CCDC158: variants seen among roughly 807,000 people sequenced by gnomAD.
CCDC158 encodes coiled-coil domain containing 158, also known as coiled-coil domain-containing protein 158.
In CCDC158, 116 loss-of-function variants were observed where a neutral mutation model predicts 138.6. That is an observed-to-expected ratio of 0.84 (90% CI 0.72 to 0.98). The LOEUF (loss-of-function observed/expected upper bound fraction) is 0.98, where lower values mean the gene tolerates loss of function less well. Ranked by LOEUF, CCDC158 falls within the 50% of genes least tolerant of loss-of-function variation. CCDC158 has a pLI of 0.00. For missense variants in CCDC158, 1,265 were observed against 1,306.1 expected (o/e 0.97, Z 0.48); for synonymous variants, 436 against 442.4 (o/e 0.99, Z 0.18).
chr4:76,357,990 T>TTC (rs1723744945), intron 13 of CCDC158, among the ~76,000 whole-genome samples: 1 of 100,500 alleles, frequency 1.0e-5, no homozygotes, highest in African/African-American at 3.3e-5. Context: ...CACACATGTG[T>TTC]GCACACACAC....
rs202034960 is a variant in CCDC158, at chr4:76,313,241, A to T, written c.3283T>A (p.Ser1095Thr). The T allele has an allele frequency of 2.9e-5, 47 of 1,595,890 alleles. No individual in the cohort carries two copies. In the Admixed American group the frequency reaches 6.0e-4, roughly 20 times the overall value. The change falls in exon 25 of 25, where the codon TCT (serine) becomes ACT (threonine). Residue 1095 changes from serine (S) to threonine (T), a missense_variant. Transcript: ENST00000682701. ...EDLQLKNQAM[S>T]SMIRNQEKRI... ...TTTTCTTGATTTCTGATCATTGAAG[A>T]CATTGCTGAAAATGTTGATAAAACA...
At chr4:76,385,727 C>T (rs1726722510) in intron 4 of CCDC158, among the ~76,000 whole-genome samples, 1 of 152,010 alleles carries the variant, frequency 6.6e-6, no homozygotes, top group African/African-American at 2.4e-5. Context: ...CAACTGAATT[C>T]CTCCAAACTG....
chr4:76,404,993 T>C (rs1728702190), intron 2 of CCDC158, among the ~76,000 whole-genome samples: 1 of 152,166 alleles, frequency 6.6e-6, no homozygotes, highest in African/African-American at 2.4e-5. Context: ...TATTTAAAAC[T>C]ATAATCCAAG....
At chr4:76,396,166 G>C (rs1727759947) in intron 4 of CCDC158, 103 bp downstream of exon 4, 1 of 727,838 alleles carries the variant, frequency 1.4e-6, no homozygotes, top group Non-Finnish European at 2.1e-6. Flanking sequence ...CCATTTGTTA[G>C]TTTTTTCTTC....
At chr4:76,344,120 A>C (rs1218587468) in intron 18 of CCDC158, among the ~76,000 whole-genome samples, 1 of 152,198 alleles carries the variant, frequency 6.6e-6, no homozygotes, top group Admixed American at 6.5e-5. Context: ...GCCTCAGCCC[A>C]AAATCTCCTT....
At chr4:76,400,411 G>T in intron 3 of CCDC158, among the ~76,000 whole-genome samples, 1 of 135,488 alleles carries the variant, frequency 7.4e-6, no homozygotes, top group Non-Finnish European at 1.6e-5. Context: ...TTGTGGGGTG[G>T]GGGGAGGGGG....
intron 13 of CCDC158, among the ~76,000 whole-genome samples, chr4:76,360,613 T>G (rs975675234): frequency 2.0e-5 from 3 of 152,202 alleles, no homozygotes; most frequent in African/African-American, 4.8e-5. Flanking sequence ...GCTTAGAAAT[T>G]TAATGACTGC....
intron 3 of CCDC158, 67 bp downstream of exon 3, chr4:76,403,071 A>G (rs544812711): frequency 1.8e-6 from 2 of 1,081,822 alleles, no homozygotes; most frequent in African/African-American, 3.2e-5. Context: ...TACTAGAAAC[A>G]GCAGCTTGAA....
chr4:76,355,499 T>A, intron 14 of CCDC158, 63 bp from the exon 15 acceptor site: 1 of 1,067,540 alleles, frequency 9.4e-7, no homozygotes, highest in Non-Finnish European at 1.4e-6. Flanking sequence ...TATGGTAATT[T>A]GATGGTTAAA....
chr4:76,324,470 A>C (rs915345161), intron 23 of CCDC158, among the ~76,000 whole-genome samples: 1 of 152,146 alleles, frequency 6.6e-6, no homozygotes, highest in Admixed American at 6.5e-5. Flanking sequence ...TACAGACATG[A>C]GCCACAGCGC....
At position 76,333,470 on chromosome 4, in the gene CCDC158, G is replaced by A. The variant is rs78358466; in HGVS notation, c.2822+540C>T. ...TGTAGCTATGTGCAAAGAAGGGCTG[G>A]TGAACTGGCTAAATTCTTTTTGGAT... On this transcript the variant is annotated intron_variant, in intron 19 of 24. Transcript: ENST00000682701. 4.2e-3 allele frequency among the ~76,000 whole-genome samples: 635 copies of A among 152,288 alleles called. 16 individuals carry two copies. The highest frequency in any genetic ancestry group is 0.029 in the Admixed American group (440 of 15,282).
Position 76,313,095 on chromosome 4 carries a change from C to T in CCDC158, c.*75G>A, listed in dbSNP as rs1719040182. The T allele has an allele frequency of 1.2e-6, 1 of 850,488 alleles. No individual in the cohort carries two copies. Among genetic ancestry groups the T allele is most frequent in the Non-Finnish European group, 1.8e-6 (1 of 545,910 alleles). 52.7% of individuals were successfully genotyped at this position (850,488 alleles called of 1,614,324 possible). On this transcript the variant is annotated 3_prime_UTR_variant, in exon 25 of 25. Coordinates refer to ENST00000682701, the MANE Select transcript of CCDC158 (RefSeq NM_001394954.1). The stretch of plus-strand genomic sequence containing the variant: ...AATTTTCACATAAAAAGAAAAAGTA[C>T]ACAGGGCACTAATTACGAGTAACAC...
rs925900929 is a variant in CCDC158 at position 76,325,889 on chromosome 4, G to A, written c.3137C>T (p.Ala1046Val). 7 of 1,611,682 alleles carry A rather than the reference G, an allele frequency of 4.3e-6. No homozygotes were observed. In the South Asian group the frequency reaches 7.7e-5, roughly 18 times the overall value. The change falls in exon 23 of 25, where the codon GCC becomes GTC. Residue 1046 changes from alanine to valine, a missense_variant. Transcript: ENST00000682701. Reference sequence around the variant, plus strand: ...AGAATCAGATGAATGAATAGGTTTGGCAGATCTATACTGTGATGTGGAACC... The same window carrying A: ...AGAATCAGATGAATGAATAGGTTTGACAGATCTATACTGTGATGTGGAACC... ...SIGSTSQYRS[A>V]KPIHSSDSVK...
intron 3 of CCDC158, 44 bp downstream of exon 3, chr4:76,403,094 T>C: frequency 7.4e-7 from 1 of 1,353,586 alleles, no homozygotes; most frequent in Non-Finnish European, 1.0e-6. Flanking sequence ...AATATCATGG[T>C]TAATTCTATT....
chr4:76,353,074 T>A lies in CCDC158; in HGVS notation c.2445+49A>T, dbSNP rs527931201. On this transcript the variant is annotated intron_variant, in intron 16 of 24. Coordinates refer to ENST00000682701, the MANE Select transcript of CCDC158 (RefSeq NM_001394954.1). ...TTTGTTCAGAACAATTCTATTTGGT[T>A]AATAACTATTTAGTTGATAATTACT... 101 of 1,467,094 alleles carry A rather than the reference T, an allele frequency of 6.9e-5. 1 individual carries two copies. In the South Asian group the frequency reaches 1.2e-3, roughly 17 times the overall value. 90.9% of individuals were successfully genotyped at this position (1,467,094 alleles called of 1,614,324 possible).
chr4:76,381,673 A>C (rs1726258220), intron 8 of CCDC158, among the ~76,000 whole-genome samples: 1 of 152,070 alleles, frequency 6.6e-6, no homozygotes, highest in African/African-American at 2.4e-5. Context: ...ACTGTTGAGA[A>C]GGGATAATTA....
At chr4:76,338,834 G>A (rs574522024) in intron 18 of CCDC158, among the ~76,000 whole-genome samples, 1 of 152,272 alleles carries the variant, frequency 6.6e-6, no homozygotes, top group South Asian at 2.1e-4. Context: ...AAGCCCACAA[G>A]AGAACCCTAG....
chr4:76,374,237 C>A (rs970699998), intron 9 of CCDC158, among the ~76,000 whole-genome samples: 1 of 152,184 alleles, frequency 6.6e-6, no homozygotes, highest in African/African-American at 2.4e-5. Flanking sequence ...AAAATTCAAG[C>A]TCTGTAACAC....
At position 76,334,108 on chromosome 4, in the gene CCDC158, G is replaced by C. The variant is rs373455626; in HGVS notation, c.2724C>G (p.Leu908=). 1.6e-5 allele frequency: 26 copies of C among 1,613,638 alleles called. No individual in the cohort carries two copies. Among genetic ancestry groups the C allele is most frequent in the Non-Finnish European group, 2.1e-5 (25 of 1,179,740 alleles). ...EDPTRDLKQL[L]QELRSVINEE... is the part of the protein sequence containing the mutation. The stretch of plus-strand genomic sequence containing the variant: ...CATTGATCACGCTTCTCAACTCTTG[G>C]AGAAGCTGTTTCAGGTCCCTTGTTG... The change falls in exon 19 of 25, where the codon CTC becomes CTG. Residue 908 remains leucine (L), a synonymous_variant. Transcript: ENST00000682701.
Sources: allele counts gnomAD v4.1 joint callset (sites outside exome capture counted in the v4.1 genomes callset), GRCh38; gene constraint gnomAD v4.1.1; transcripts MANE v1.5; gene names NCBI Gene and HGNC (gene_info 2026-07-23, HGNC 2026-07-21).